Variants in ADAMTS19 observed in about 807,000 individuals in gnomAD.
The protein encoded by ADAMTS19 is ADAM metallopeptidase with thrombospondin type 1 motif 19, also known as A disintegrin and metalloproteinase with thrombospondin motifs 19.
A neutral mutation model predicts 153.3 loss-of-function variants in ADAMTS19; 93 were observed. The ratio of observed to expected loss-of-function variants is 0.61; its 90% CI spans 0.51 to 0.72. The LOEUF is 0.72. Among genes scored for constraint, ADAMTS19 ranks in the 30% least tolerant of loss-of-function variants. ADAMTS19 has a pLI of 0.00. For synonymous variants in ADAMTS19, 600 were observed against 556.6 expected (o/e 1.08, Z -1.10); for missense variants, 1,482 against 1,552.1 (o/e 0.95, Z 0.76).
At chr5:129,717,265 A>C (rs915182540) in intron 21 of ADAMTS19, among the ~76,000 whole-genome samples, 1 of 152,226 alleles carries the variant, frequency 6.6e-6, no homozygotes, top group Non-Finnish European at 1.5e-5. Context: ...AAAAAATTTA[A>C]AAAGTATTAC....
chr5:129,560,290 A>G (rs1337584339), intron 7 of ADAMTS19, among the ~76,000 whole-genome samples: 2 of 152,208 alleles, frequency 1.3e-5, no homozygotes, highest in Non-Finnish European at 1.5e-5. Flanking sequence ...TTTTCATGCT[A>G]TAACTTTTTT....
chr5:129,555,107 T>TA (rs149347335), intron 7 of ADAMTS19, among the ~76,000 whole-genome samples: 1,788 of 152,206 alleles, frequency 0.012, 34 homozygotes, highest in African/African-American at 0.041. Context: ...TTTTACTTTT[T>TA]TTTTCTGTAA....
chr5:129,642,433 GCTGT>G (rs1468993944), intron 11 of ADAMTS19, among the ~76,000 whole-genome samples: 7 of 152,000 alleles, frequency 4.6e-5, no homozygotes, highest in South Asian at 4.1e-4. Flanking sequence ...TAAATATTTG[GCTGT>G]CTGTGTAGTT....
intron 8 of ADAMTS19, among the ~76,000 whole-genome samples, chr5:129,613,713 C>CAA (rs1320336219): frequency 6.6e-6 from 1 of 151,954 alleles, no homozygotes; most frequent in African/African-American, 2.4e-5. Context: ...AATAGGGATA[C>CAA]AAAAAACCCT....
At chr5:129,654,239 G>A in intron 13 of ADAMTS19, 67 bp from the exon 14 acceptor site, 1 of 1,429,754 alleles carries the variant, frequency 7.0e-7, no homozygotes, top group Non-Finnish European at 9.4e-7. Context: ...TCTTAAAAAT[G>A]AAGCTTAAGA....
chr5:129,521,290 A>G lies in ADAMTS19; in HGVS notation c.914-4994A>G, dbSNP rs973611695. 2.0e-5 allele frequency among the ~76,000 whole-genome samples: 3 copies of G among 152,274 alleles called. 1 individual carries two copies. The highest frequency in any genetic ancestry group is 2.0e-4 in the Admixed American group (3 of 15,284). On this transcript the variant is annotated intron_variant, in intron 3 of 22. Coordinates refer to ENST00000274487, the MANE Select transcript of ADAMTS19 (RefSeq NM_133638.6). ...TACCGAGAGCACAGAGTATACATCT[A>G]GGTGTACCTTTAAACCCATGTAAGT...
At chr5:129,575,871 A>G (rs1331225589) in intron 7 of ADAMTS19, among the ~76,000 whole-genome samples, 1 of 152,096 alleles carries the variant, frequency 6.6e-6, no homozygotes, top group Non-Finnish European at 1.5e-5. Flanking sequence ...TAAGGATTTG[A>G]GGGTTTATCT....
At chr5:129,643,151 G>C (rs1752877182) in intron 11 of ADAMTS19, among the ~76,000 whole-genome samples, 1 of 149,906 alleles carries the variant, frequency 6.7e-6, no homozygotes, top group Non-Finnish European at 1.5e-5. Context: ...ATACAGATGT[G>C]AATACACACA....
chr5:129,542,374 G>A (rs183201559), intron 6 of ADAMTS19, among the ~76,000 whole-genome samples: 5 of 152,292 alleles, frequency 3.3e-5, no homozygotes, highest in Admixed American at 3.3e-4. Flanking sequence ...TGCAATAGAA[G>A]GTGATTTCCC....
Position 129,701,594 on chromosome 5 carries a change from T to G in ADAMTS19, c.3159+2T>G. 6.2e-7 allele frequency: 1 copy of G among 1,613,716 alleles called. No homozygotes were observed. Among genetic ancestry groups the G allele is most frequent in the Non-Finnish European group, 8.5e-7 (1 of 1,179,730 alleles). ...TGGGAGGCGGGAGTGTGGTCTGAGG[T>G]GCATACATGCCCCCTTTCTTTCCCC... On this transcript the variant is annotated splice_donor_variant, in intron 20 of 22. Coordinates refer to ENST00000274487, the MANE Select transcript of ADAMTS19 (RefSeq NM_133638.6). LOFTEE classifies it high-confidence loss of function.
At chr5:129,634,687 C>T (rs1046145768) in intron 10 of ADAMTS19, among the ~76,000 whole-genome samples, 4 of 152,044 alleles carry the variant, frequency 2.6e-5, no homozygotes, top group Admixed American at 2.6e-4. Flanking sequence ...GGATAACTTA[C>T]TAGCCATATG....
At chr5:129,552,293 C>T (rs987760098) in intron 7 of ADAMTS19, among the ~76,000 whole-genome samples, 36 of 151,678 alleles carry the variant, frequency 2.4e-4, no homozygotes, top group Non-Finnish European at 2.5e-4. Context: ...TAAAGACCTT[C>T]GCAGACTGTG....
At chr5:129,460,559 T>C in intron 1 of ADAMTS19, 77 bp downstream of exon 1, 1 of 1,539,532 alleles carries the variant, frequency 6.5e-7, no homozygotes, top group Non-Finnish European at 9.0e-7. Context: ...TCGGCAGGGC[T>C]GGTGCAACCG....
chr5:129,528,725 C>T (rs1280853143), intron 6 of ADAMTS19, 48 bp downstream of exon 6: 1 of 1,422,704 alleles, frequency 7.0e-7, no homozygotes, highest in Non-Finnish European at 9.6e-7. Context: ...TCAATCACTG[C>T]ACTGTTGATC....
intron 7 of ADAMTS19, among the ~76,000 whole-genome samples, chr5:129,588,259 G>A (rs1749919025): frequency 6.6e-6 from 1 of 152,112 alleles, no homozygotes; most frequent in African/African-American, 2.4e-5. Flanking sequence ...GGAATTGGAA[G>A]GGTAACCATT....
rs764084397 is a variant in ADAMTS19, at chr5:129,461,658, G to T, written c.648G>T (p.Pro216=). 2.5e-6 allele frequency: 4 copies of T among 1,586,468 alleles called. No homozygotes were observed. In the African/African-American group the frequency reaches 4.1e-5, roughly 16 times the overall value. The change falls in exon 2 of 23, where the codon CCG becomes CCT. Residue 216 remains proline, a synonymous_variant. Coordinates refer to ENST00000274487, the MANE Select transcript of ADAMTS19 (RefSeq NM_133638.6). This position sits in a 1 kb window ranked among gnomAD's most constrained non-coding sequence, Gnocchi z 4.6. ...GCCCCACGGGGGCAGCATCCGCCCC[G>T]CAACCTCCCGCGCCACCAGACGCAG... ...GPGPTGAASA[P]QPPAPPDAGC... is the part of the protein sequence containing the mutation.
intron 10 of ADAMTS19, among the ~76,000 whole-genome samples, chr5:129,628,733 T>C (rs1752164071): frequency 6.6e-6 from 1 of 152,086 alleles, no homozygotes; most frequent in Non-Finnish European, 1.5e-5. Context: ...AGTCCGTATT[T>C]TTACTGTAAC....
At chr5:129,470,903 A>G (rs1750041509) in intron 2 of ADAMTS19, among the ~76,000 whole-genome samples, 1 of 152,178 alleles carries the variant, frequency 6.6e-6, no homozygotes, top group Admixed American at 6.5e-5. Context: ...CAAAGGATAA[A>G]CATAAGGATA....
chr5:129,533,150 A>G (rs148727261), intron 6 of ADAMTS19, among the ~76,000 whole-genome samples: 205 of 152,270 alleles, frequency 1.3e-3, no homozygotes, highest in African/African-American at 4.3e-3. Context: ...GAAACTGATC[A>G]GAAGATGATT....
Sources: gnomAD v4.1 joint callset for allele counts (sites outside exome capture counted in the v4.1 genomes callset) on GRCh38, gnomAD v4.1.1 for gene constraint, Gnocchi (gnomAD v3.1) non-coding constraint, MANE v1.5 for transcripts, NCBI Gene and HGNC (gene_info 2026-07-23, HGNC 2026-07-21) for gene names.